The following ACOXL variants were observed in gnomAD, a reference collection of about 807,000 sequenced individuals.
ACOXL encodes acyl-coenzyme A oxidase-like protein.
Under a neutral mutation model 71.9 loss-of-function variants are expected in ACOXL, and 70 were observed. The ratio of observed to expected loss-of-function variants is 0.97; its 90% CI spans 0.80 to 1.19. ACOXL has a LOEUF of 1.19. Among genes scored for constraint, ACOXL ranks in the 50% most tolerant of loss-of-function variants. The probability of loss-of-function intolerance (pLI) is 0.00; values close to 1 mark genes in which losing one functional copy is unlikely to be tolerated. For synonymous variants in ACOXL, 253 were observed against 281.6 expected, an observed-to-expected ratio of 0.90 and a Z score of 1.02; for missense variants, 703 against 736.3, an observed-to-expected ratio of 0.95 and a Z score of 0.52.
chr2:110,986,850 A>G (rs780266417), intron 12 of ACOXL, among the ~76,000 whole-genome samples: 1 of 152,170 alleles, frequency 6.6e-6, no homozygotes, highest in Non-Finnish European at 1.5e-5. Context: ...GACCAGTGTT[A>G]GAGACTGATA....
At chr2:111,030,848 G>T (rs894164825) in intron 14 of ACOXL, among the ~76,000 whole-genome samples, 1 of 152,186 alleles carries the variant, frequency 6.6e-6, no homozygotes, top group African/African-American at 2.4e-5. Context: ...TGTCTGGTCA[G>T]ATAAGAATCT....
intron 10 of ACOXL, among the ~76,000 whole-genome samples, chr2:110,883,646 A>G (rs1441334002): frequency 6.6e-6 from 1 of 152,228 alleles, no homozygotes; most frequent in Non-Finnish European, 1.5e-5. Context: ...CATTCCAGCC[A>G]TACCAGCCTT....
intron 16 of ACOXL, 65 bp from the exon 17 acceptor site, chr2:111,092,800 T>G: frequency 8.8e-7 from 1 of 1,138,584 alleles, no homozygotes; most frequent in Non-Finnish European, 1.3e-6. Flanking sequence ...TTTCGCCTCC[T>G]TAGATTTTGT....
At chr2:110,985,869 T>A (rs2062910777) in intron 12 of ACOXL, among the ~76,000 whole-genome samples, 1 of 152,212 alleles carries the variant, frequency 6.6e-6, no homozygotes, top group Non-Finnish European at 1.5e-5. Context: ...CATACCTGGC[T>A]CTGCCCACCA....
At chr2:110,904,678 G>A (rs1056318328) in intron 10 of ACOXL, among the ~76,000 whole-genome samples, 15 of 152,228 alleles carry the variant, frequency 9.9e-5, no homozygotes, top group African/African-American at 3.6e-4. Context: ...GGGCCACACG[G>A]GGAAACAATA....
At chr2:110,763,672 A>G (rs1680686008) in intron 1 of ACOXL, among the ~76,000 whole-genome samples, 1 of 152,258 alleles carries the variant, frequency 6.6e-6, no homozygotes, top group South Asian at 2.1e-4. Context: ...ATGGTCTATG[A>G]AAGAAAGAAT....
chr2:110,937,851 A>G (rs2149357050), intron 12 of ACOXL, among the ~76,000 whole-genome samples: 1 of 152,330 alleles, frequency 6.6e-6, no homozygotes, highest in East Asian at 1.9e-4. Flanking sequence ...CTTACATAAT[A>G]TGGAGATAAC....
chr2:110,792,257 G>C (rs1684737932), intron 3 of ACOXL, among the ~76,000 whole-genome samples: 1 of 152,156 alleles, frequency 6.6e-6, no homozygotes, highest in South Asian at 2.1e-4. Context: ...AGGGGAGGAG[G>C]GCTCCCCAGA....
chr2:110,770,552 G>C (rs1253567304), intron 2 of ACOXL, among the ~76,000 whole-genome samples: 1 of 152,362 alleles, frequency 6.6e-6, no homozygotes, highest in African/African-American at 2.4e-5. Flanking sequence ...TGACAAAGTG[G>C]AGCGTGCTTG....
chr2:110,904,876 T>C (rs946340670), intron 10 of ACOXL, among the ~76,000 whole-genome samples: 6 of 152,026 alleles, frequency 3.9e-5, no homozygotes, highest in Non-Finnish European at 7.4e-5. Context: ...CTGGGGAGAC[T>C]AGGTTAGGCC....
At chr2:110,883,807 T>G (rs1358851152) in intron 10 of ACOXL, among the ~76,000 whole-genome samples, 1 of 152,264 alleles carries the variant, frequency 6.6e-6, no homozygotes, top group Non-Finnish European at 1.5e-5. Context: ...ACTAGAAATT[T>G]CTTTTCTAGA....
intron 1 of ACOXL, among the ~76,000 whole-genome samples, chr2:110,733,262 C>T (rs1233464994): frequency 6.6e-6 from 1 of 152,142 alleles, no homozygotes; most frequent in African/African-American, 2.4e-5. Context: ...GCTTACAGGA[C>T]CCCCTCGGAG....
At chr2:111,093,352 C>G in intron 17 of ACOXL, 4 of 1,090,566 alleles carry the variant, frequency 3.7e-6, no homozygotes, top group Non-Finnish European at 5.3e-6. Flanking sequence ...ATGGGGAATT[C>G]AATACAATAG....
At position 110,927,747 on chromosome 2, in the gene ACOXL, C is replaced by T. The variant is rs542832464; in HGVS notation, c.906-5742C>T. On this transcript the variant is annotated intron_variant, in intron 11 of 17. Coordinates refer to ENST00000439055, the MANE Select transcript of ACOXL (RefSeq NM_001142807.4). Reference sequence around the variant, plus strand: ...TCATCACACCTAGTAGCGTCTGGCTCTCTGCACAGATTAATTCACCTACAA... The same window carrying T: ...TCATCACACCTAGTAGCGTCTGGCTTTCTGCACAGATTAATTCACCTACAA... Among the ~76,000 whole-genome samples the T allele has an allele frequency of 7.2e-5, 11 of 152,348 alleles. No individual in the cohort carries two copies. The South Asian group carries it at 2.1e-3, about 29-fold the overall frequency.
intron 15 of ACOXL, among the ~76,000 whole-genome samples, chr2:111,038,175 C>T (rs924727366): frequency 6.6e-6 from 1 of 152,162 alleles, no homozygotes; most frequent in African/African-American, 2.4e-5. Context: ...GCCTTCTCAA[C>T]TTTCATCTGA....
chr2:111,093,431 A>C, intron 17 of ACOXL: 1 of 1,612,736 alleles, frequency 6.2e-7, no homozygotes, highest in East Asian at 2.2e-5. Flanking sequence ...AAGAAAAAGA[A>C]TGTGAAACAG....
At chr2:110,950,055 TTTATTA>T (rs1177178513) in intron 12 of ACOXL, among the ~76,000 whole-genome samples, 2 of 151,998 alleles carry the variant, frequency 1.3e-5, no homozygotes, top group Admixed American at 1.3e-4. Context: ...TTTATGTTAT[TTTATTA>T]TTATTATACT....
At chr2:111,023,537 C>A (rs1380905612) in intron 14 of ACOXL, among the ~76,000 whole-genome samples, 1 of 152,110 alleles carries the variant, frequency 6.6e-6, no homozygotes, top group African/African-American at 2.4e-5. Flanking sequence ...AAGGGGCCAT[C>A]TGTGGGTCCG....
At chr2:110,756,604 A>G (rs993239908) in intron 1 of ACOXL, among the ~76,000 whole-genome samples, 9 of 151,904 alleles carry the variant, frequency 5.9e-5, no homozygotes, top group Non-Finnish European at 1.3e-4. Context: ...TCAATTGTTG[A>G]TCTATTTGGA....
Sources: gnomAD v4.1 joint callset for allele counts (sites outside exome capture counted in the v4.1 genomes callset) on GRCh38, gnomAD v4.1.1 for gene constraint, MANE v1.5 for transcripts, NCBI Gene and HGNC (gene_info 2026-07-23, HGNC 2026-07-21) for gene names.